WWOX: variants seen among roughly 807,000 people sequenced by gnomAD.
WWOX encodes the protein WW domain-containing oxidoreductase.
Under a neutral mutation model 46.2 loss-of-function variants are expected in WWOX, and 69 were observed. The ratio of observed to expected loss-of-function variants is 1.49; its 90% confidence interval spans 1.23 to 1.82. WWOX has a LOEUF of 1.82. WWOX is among the 40% of genes most tolerant of loss of function. The pLI is 0.00. For missense variants in WWOX, 919 were observed against 542.6 expected (o/e 1.69, Z -6.89); for synonymous variants, 359 against 202.6 (o/e 1.77, Z -6.56).
intron 8 of WWOX, among the ~76,000 whole-genome samples, chr16:79,069,805 G>C (rs1169270504): frequency 6.6e-6 from 1 of 152,168 alleles, no homozygotes; most frequent in Non-Finnish European, 1.5e-5. Flanking sequence ...GTTAACCTGT[G>C]TTTTGCTAAC....
chr16:78,446,184 A>T (rs945252520), intron 8 of WWOX, among the ~76,000 whole-genome samples: 1 of 152,240 alleles, frequency 6.6e-6, no homozygotes, highest in Non-Finnish European at 1.5e-5. Context: ...TTAATGTACA[A>T]TGGTGAAGAA....
At chr16:78,380,662 C>T (rs1255917247) in intron 5 of WWOX, among the ~76,000 whole-genome samples, 1 of 152,140 alleles carries the variant, frequency 6.6e-6, no homozygotes, top group East Asian at 1.9e-4. Context: ...TTATGAACTA[C>T]TGATCAGGTA....
At chr16:78,363,831 A>C (rs941325235) in intron 5 of WWOX, among the ~76,000 whole-genome samples, 1 of 152,190 alleles carries the variant, frequency 6.6e-6, no homozygotes, top group Admixed American at 6.5e-5. Flanking sequence ...GTTGGAGAGC[A>C]GGAACTTGCC....
At chr16:78,474,871 A>C (rs1391561392) in intron 8 of WWOX, among the ~76,000 whole-genome samples, 2 of 152,174 alleles carry the variant, frequency 1.3e-5, no homozygotes, top group Non-Finnish European at 2.9e-5. Flanking sequence ...CTTTGCATGC[A>C]TCATGTTTTC....
chr16:79,143,835 A>G (rs2050135290), intron 8 of WWOX, among the ~76,000 whole-genome samples: 1 of 152,112 alleles, frequency 6.6e-6, no homozygotes, highest in Admixed American at 6.6e-5. Flanking sequence ...TCCAGTCTCG[A>G]TCTGCTGATA....
rs2033814675 is a variant in WWOX, at chr16:78,136,974, C to G, written c.409+21820C>G. ...TGCAGGAGAGCAGGGTGTGTGCTCTCTGTAAGAGGAGAGGAGAGGCAGAGC... is the reference window on the plus strand; with the variant it reads ...TGCAGGAGAGCAGGGTGTGTGCTCTGTGTAAGAGGAGAGGAGAGGCAGAGC... On this transcript the variant is annotated intron_variant, in intron 4 of 8. Transcript: ENST00000566780. 2.0e-5 allele frequency among the ~76,000 whole-genome samples: 3 copies of G among 152,294 alleles called. No homozygotes were observed. The South Asian group carries it at 6.2e-4, about 32-fold the overall frequency.
intron 8 of WWOX, among the ~76,000 whole-genome samples, chr16:78,976,138 G>T (rs779529583): frequency 1.3e-5 from 2 of 152,148 alleles, no homozygotes; most frequent in African/African-American, 2.4e-5. Flanking sequence ...CGAATATCCT[G>T]CACCGTTCCT....
chr16:78,100,334 C>G (rs1239991757), intron 1 of WWOX: 14 of 786,716 alleles, frequency 1.8e-5, no homozygotes, highest in Non-Finnish European at 2.2e-5. Context: ...CCCACTGTAG[C>G]CTCTACCTAC....
chr16:78,706,511 C>G (rs1003279324), intron 8 of WWOX, among the ~76,000 whole-genome samples: 1 of 152,170 alleles, frequency 6.6e-6, no homozygotes, highest in Non-Finnish European at 1.5e-5. Context: ...CTTTTCATTT[C>G]CCTTTATATT....
At chr16:78,807,036 G>A (rs554748445) in intron 8 of WWOX, among the ~76,000 whole-genome samples, 14 of 152,298 alleles carry the variant, frequency 9.2e-5, no homozygotes, top group African/African-American at 3.4e-4. Flanking sequence ...TTTGTGCTGA[G>A]GATTATGCAA....
chr16:78,601,160 G>T (rs1438583405), intron 8 of WWOX, among the ~76,000 whole-genome samples: 7 of 152,312 alleles, frequency 4.6e-5, no homozygotes, highest in Non-Finnish European at 7.3e-5. Flanking sequence ...ACCCAGGTTG[G>T]CCTCTCTGCC....
chr16:78,821,445 G>A (rs570919847), intron 8 of WWOX, among the ~76,000 whole-genome samples: 8 of 152,132 alleles, frequency 5.3e-5, no homozygotes, highest in Non-Finnish European at 1.0e-4. Context: ...GGCTAATAAA[G>A]TAGATGAGTT....
At chr16:78,879,008 A>G (rs2044288726) in intron 8 of WWOX, among the ~76,000 whole-genome samples, 1 of 151,350 alleles carries the variant, frequency 6.6e-6, no homozygotes, top group Non-Finnish European at 1.5e-5. Flanking sequence ...TTGAGGTTGC[A>G]GTGAGCTATC....
At chr16:78,501,769 T>A (rs2085075660) in intron 8 of WWOX, among the ~76,000 whole-genome samples, 2 of 152,142 alleles carry the variant, frequency 1.3e-5, no homozygotes, top group African/African-American at 4.8e-5. Flanking sequence ...ACTCCTGACC[T>A]GAAGTGATCC....
intron 8 of WWOX, among the ~76,000 whole-genome samples, chr16:78,558,022 C>G (rs971347595): frequency 6.6e-6 from 1 of 152,050 alleles, no homozygotes; most frequent in East Asian, 1.9e-4. Flanking sequence ...GGAACAGTGC[C>G]AAGCACATAG....
At chr16:79,018,487 A>T (rs1211543832) in intron 8 of WWOX, among the ~76,000 whole-genome samples, 3 of 152,160 alleles carry the variant, frequency 2.0e-5, no homozygotes, top group Non-Finnish European at 4.4e-5. Flanking sequence ...GTCTGTGTCT[A>T]CACAGACCCA....
intron 8 of WWOX, among the ~76,000 whole-genome samples, chr16:79,161,430 T>A (rs1211327049): frequency 3.3e-5 from 5 of 152,096 alleles, no homozygotes; most frequent in Non-Finnish European, 7.4e-5. Flanking sequence ...CGATGAATAC[T>A]GACTAAAGAG....
intron 8 of WWOX, among the ~76,000 whole-genome samples, chr16:78,545,380 TAA>T (rs142002637): frequency 6.6e-6 from 1 of 151,040 alleles, no homozygotes; most frequent in East Asian, 1.9e-4. Flanking sequence ...CCATTTCTTT[TAA>T]AAAAAAAATT....
At chr16:78,630,876 GC>G (rs201638006) in intron 8 of WWOX, among the ~76,000 whole-genome samples, 7 of 147,922 alleles carry the variant, frequency 4.7e-5, no homozygotes, top group Admixed American at 6.7e-5. Context: ...TATGCAGTCA[GC>G]CCCCCTCTCT....
Sources: allele counts gnomAD v4.1 joint callset (sites outside exome capture counted in the v4.1 genomes callset), GRCh38; gene constraint gnomAD v4.1.1; transcripts MANE v1.5; gene names NCBI Gene and HGNC (gene_info 2026-07-23, HGNC 2026-07-21).